Variants in INVS observed in about 807,000 individuals in gnomAD.
INVS encodes the protein inversion of embryo turning homolog.
Under a neutral mutation model 108.8 loss-of-function variants are expected in INVS, and 86 were observed. The observed-to-expected ratio is 0.79, with a 90% CI of 0.66 to 0.95. INVS has a LOEUF of 0.95. Among genes scored for constraint, INVS ranks in the 40% least tolerant of loss-of-function variants. INVS has a pLI of 0.00. For missense variants in INVS, 1,169 were observed against 1,297.4 expected (o/e 0.90, Z 1.52); for synonymous variants, 455 against 473.5 (o/e 0.96, Z 0.51).
chr9:100,106,700 G>A (rs912275759), intron 2 of INVS, among the ~76,000 whole-genome samples: 1 of 152,118 alleles, frequency 6.6e-6, no homozygotes, highest in Non-Finnish European at 1.5e-5. Flanking sequence ...TAGGTATACT[G>A]CCAGGCCTTG....
At chr9:100,176,635 C>G (rs149701717) in intron 3 of INVS, among the ~76,000 whole-genome samples, 3 of 152,064 alleles carry the variant, frequency 2.0e-5, no homozygotes, top group Non-Finnish European at 4.4e-5. Context: ...TACCACCACA[C>G]CCAGCTATTT....
chr9:100,226,702 A>G (rs950645125), intron 4 of INVS, among the ~76,000 whole-genome samples: 5 of 151,192 alleles, frequency 3.3e-5, no homozygotes, highest in African/African-American at 1.2e-4. Flanking sequence ...AATCCCAGCT[A>G]CTCGGGAAGC....
intron 13 of INVS, among the ~76,000 whole-genome samples, chr9:100,286,769 T>C (rs1469826965): frequency 6.6e-6 from 1 of 152,202 alleles, no homozygotes; most frequent in African/African-American, 2.4e-5. Flanking sequence ...CTCTACCTTA[T>C]TTTTTAGATA....
At chr9:100,184,871 T>C (rs1173658559) in intron 3 of INVS, among the ~76,000 whole-genome samples, 1 of 152,146 alleles carries the variant, frequency 6.6e-6, no homozygotes, top group Non-Finnish European at 1.5e-5. Context: ...TTTTGAATAT[T>C]TGCCACAAAT....
chr9:100,263,995 A>G (rs1221716934), intron 10 of INVS, among the ~76,000 whole-genome samples: 3 of 152,034 alleles, frequency 2.0e-5, no homozygotes, highest in Non-Finnish European at 4.4e-5. Flanking sequence ...TTCCTTTTTA[A>G]TTTTGTCGAT....
At chr9:100,188,053 T>G (rs1830104728) in intron 3 of INVS, among the ~76,000 whole-genome samples, 1 of 152,226 alleles carries the variant, frequency 6.6e-6, no homozygotes, top group Non-Finnish European at 1.5e-5. Flanking sequence ...ATTGGATTCA[T>G]TTATCAAATC....
chr9:100,281,171 T>C (rs760315712), intron 12 of INVS, among the ~76,000 whole-genome samples: 2 of 152,262 alleles, frequency 1.3e-5, no homozygotes, highest in Non-Finnish European at 2.9e-5. Context: ...AATTCTGTCA[T>C]GGGGATGAAT....
At chr9:100,254,495 C>A (rs1228973902) in intron 10 of INVS, among the ~76,000 whole-genome samples, 1 of 152,118 alleles carries the variant, frequency 6.6e-6, no homozygotes, top group African/African-American at 2.4e-5. Flanking sequence ...CTTGCCCATG[C>A]CTATGTCCTG....
chr9:100,157,263 T>C lies in INVS; in HGVS notation c.273+30714T>C, dbSNP rs550289093. Reference sequence around the variant, plus strand: ...TAAAGAAATAGTAAAAATTTCTTTTTTTTCTTTTTTTTTTTTTTTGAGGCA... The same window carrying C: ...TAAAGAAATAGTAAAAATTTCTTTTCTTTCTTTTTTTTTTTTTTTGAGGCA... On this transcript the variant is annotated intron_variant, in intron 3 of 16. Transcript: ENST00000262457. Among the ~76,000 whole-genome samples the C allele has an allele frequency of 6.9e-5, 10 of 144,560 alleles. No individual in the cohort carries two copies. The South Asian group carries it at 2.1e-3, about 30-fold the overall frequency. The allele number at this position is 144,560 out of a possible 152,430, so 94.8% of individuals were successfully genotyped here.
intron 11 of INVS, among the ~76,000 whole-genome samples, chr9:100,268,989 TGAA>T (rs1337509003): frequency 6.6e-6 from 1 of 152,210 alleles, no homozygotes; most frequent in Non-Finnish European, 1.5e-5. Context: ...ATATATTATG[TGAA>T]GGATACTACC....
intron 10 of INVS, among the ~76,000 whole-genome samples, chr9:100,262,638 TA>T (rs58650063): frequency 0.24 from 27,795 of 116,086 alleles, 3,080 homozygotes; most frequent in South Asian, 0.33. Context: ...CCTGGAGCAC[TA>T]AAAAAAAAAA....
chr9:100,199,445 C>G (rs142660805), intron 3 of INVS, among the ~76,000 whole-genome samples: 7 of 152,052 alleles, frequency 4.6e-5, no homozygotes, highest in Admixed American at 4.6e-4. Flanking sequence ...GTTATTGCTC[C>G]TTTCAATCTG....
At chr9:100,116,982 C>T in intron 2 of INVS, 3 of 1,562,176 alleles carry the variant, frequency 1.9e-6, no homozygotes, top group Non-Finnish European at 2.6e-6. Context: ...TCATCGATAC[C>T]AGCCATCATG....
chr9:100,242,764 A>G, intron 7 of INVS, 85 bp downstream of exon 7: 1 of 808,916 alleles, frequency 1.2e-6, no homozygotes, highest in Non-Finnish European at 2.2e-6. Context: ...GTTGTAGGAA[A>G]TAATACAACA....
At chr9:100,122,111 G>T (rs557892121) in intron 2 of INVS, among the ~76,000 whole-genome samples, 1 of 152,210 alleles carries the variant, frequency 6.6e-6, no homozygotes, top group African/African-American at 2.4e-5. Flanking sequence ...TTTGGTCAAG[G>T]TCCCATGGGT....
At chr9:100,174,622 A>G (rs913169528) in intron 3 of INVS, among the ~76,000 whole-genome samples, 2 of 152,138 alleles carry the variant, frequency 1.3e-5, no homozygotes, top group African/African-American at 4.8e-5. Flanking sequence ...ATAAATACAA[A>G]GAAAATCTTG....
At chr9:100,133,408 T>A (rs1435894572) in intron 3 of INVS, among the ~76,000 whole-genome samples, 2 of 152,106 alleles carry the variant, frequency 1.3e-5, no homozygotes, top group Non-Finnish European at 2.9e-5. Flanking sequence ...TTATTTTGCA[T>A]CTTTAAATTA....
chr9:100,234,991 G>A (rs1357147631), intron 5 of INVS, among the ~76,000 whole-genome samples: 1 of 152,130 alleles, frequency 6.6e-6, no homozygotes, highest in Admixed American at 6.5e-5. Flanking sequence ...ATTATTGTGT[G>A]GGAGTGTAAG....
chr9:100,267,335 T>A (rs1832827067), intron 11 of INVS, among the ~76,000 whole-genome samples: 2 of 152,182 alleles, frequency 1.3e-5, no homozygotes, highest in Admixed American at 6.5e-5. Flanking sequence ...ACAGTGGCAA[T>A]AACTCAGTCT....
Sources: allele counts gnomAD v4.1 joint callset (sites outside exome capture counted in the v4.1 genomes callset), GRCh38; gene constraint gnomAD v4.1.1; transcripts MANE v1.5; gene names NCBI Gene and HGNC (gene_info 2026-07-23, HGNC 2026-07-21).